The following UNC5C variants were observed in gnomAD, a reference collection of about 807,000 sequenced individuals.
The protein encoded by UNC5C is netrin receptor UNC5C.
Under a neutral mutation model 99.8 loss-of-function variants are expected in UNC5C, and 47 were observed. That is an observed-to-expected ratio of 0.47 (90% CI 0.37 to 0.60). The LOEUF (loss-of-function observed/expected upper bound fraction) is 0.60. Among genes scored for constraint, UNC5C ranks in the 20% least tolerant of loss-of-function variants. The pLI is 0.00. For missense variants in UNC5C, 1,062 were observed against 1,165.9 expected (o/e 0.91, Z 1.30); for synonymous variants, 487 against 452.2 (o/e 1.08, Z -0.98).
chr4:95,498,904 T>C (rs1254993954), intron 1 of UNC5C, among the ~76,000 whole-genome samples: 1 of 152,098 alleles, frequency 6.6e-6, no homozygotes, highest in Non-Finnish European at 1.5e-5. Context: ...ATCTACTGTC[T>C]TATTAAAATA....
At chr4:95,376,055 A>AAAAC (rs550544675) in intron 1 of UNC5C, among the ~76,000 whole-genome samples, 78 of 152,202 alleles carry the variant, frequency 5.1e-4, no homozygotes, top group East Asian at 3.9e-3. Context: ...TCCGTCTCAA[A>AAAAC]AAACAAACAA....
At chr4:95,492,347 G>A (rs1307238724) in intron 1 of UNC5C, among the ~76,000 whole-genome samples, 1 of 151,126 alleles carries the variant, frequency 6.6e-6, no homozygotes, top group Non-Finnish European at 1.5e-5. Flanking sequence ...AATGTGCTTA[G>A]CGTTTTGTCG....
At position 95,177,531 on chromosome 4, in the gene UNC5C, CT is replaced by C. The variant is rs534997011; in HGVS notation, c.2451+5365del. ...GTTGATTAGCAGTATGTTCCACATT[CT>C]GCGATCAGCAGCAAGTGCTCACTTC... On this transcript the variant is annotated intron_variant, in intron 14 of 15. Coordinates refer to ENST00000453304, the MANE Select transcript of UNC5C (RefSeq NM_003728.4). Among the ~76,000 whole-genome samples the C allele has an allele frequency of 3.2e-4, 48 of 152,336 alleles. No homozygotes were observed. In the South Asian group the frequency reaches 3.5e-3, roughly 11 times the overall value.
chr4:95,475,765 T>C (rs1445003270), intron 1 of UNC5C, among the ~76,000 whole-genome samples: 1 of 152,092 alleles, frequency 6.6e-6, no homozygotes, highest in African/African-American at 2.4e-5. Context: ...GCTTTTCCTA[T>C]CTTTTAGCAA....
intron 1 of UNC5C, among the ~76,000 whole-genome samples, chr4:95,507,577 C>A (rs1422377293): frequency 6.6e-6 from 1 of 152,018 alleles, no homozygotes; most frequent in Non-Finnish European, 1.5e-5. Flanking sequence ...TCCCAAGACC[C>A]ATTCTCTAGC....
intron 3 of UNC5C, among the ~76,000 whole-genome samples, chr4:95,287,797 T>C (rs1741290003): frequency 3.9e-5 from 6 of 152,234 alleles, no homozygotes; most frequent in Admixed American, 3.9e-4. Flanking sequence ...TCCGATATCA[T>C]GTCACTGCTT....
At position 95,250,575 on chromosome 4, in the gene UNC5C, G is replaced by C; in HGVS notation, c.687C>G (p.Ala229=). 1.9e-6 allele frequency: 3 copies of C among 1,613,898 alleles called. No individual in the cohort carries two copies. The highest frequency in any genetic ancestry group is 2.5e-6 in the Non-Finnish European group (3 of 1,179,960). The part of the protein sequence containing the change: ...TIDHNLIIKQ[A]RLSDTANYTC... ...TGTAATTTGCAGTATCAGAGAGTCG[G>C]GCCTGCTTTATGATGAGGTTGTGAT... The change falls in exon 5 of 16, where the codon GCC becomes GCG. Residue 229 remains alanine, a synonymous_variant. Coordinates refer to ENST00000453304, the MANE Select transcript of UNC5C (RefSeq NM_003728.4).
At chr4:95,371,477 C>G (rs17023644) in intron 1 of UNC5C, among the ~76,000 whole-genome samples, 31,464 of 149,186 alleles carry the variant, frequency 0.21, 4,112 homozygotes, top group African/African-American at 0.36. Context: ...AAGATGAAAA[C>G]TGATAGGAAG....
At chr4:95,343,421 C>T (rs1743652433) in intron 1 of UNC5C, among the ~76,000 whole-genome samples, 1 of 152,056 alleles carries the variant, frequency 6.6e-6, no homozygotes, top group African/African-American at 2.4e-5. Context: ...ACCACAAGAC[C>T]TCTATGAGTC....
intron 10 of UNC5C, 99 bp from the exon 11 acceptor site, chr4:95,206,895 T>C (rs1579231269): frequency 8.0e-6 from 7 of 869,750 alleles, no homozygotes; most frequent in Admixed American, 4.2e-5. Context: ...AGTTTTCTCC[T>C]GGAATTCTTT....
At chr4:95,169,836 T>G (rs1388256202) in intron 15 of UNC5C, among the ~76,000 whole-genome samples, 1 of 152,166 alleles carries the variant, frequency 6.6e-6, no homozygotes, top group African/African-American at 2.4e-5. Context: ...CATTAGGTCC[T>G]GCTCAACTGC....
Position 95,536,082 on chromosome 4 carries a change from ATTT to A in UNC5C, c.124+12649_124+12651del, listed in dbSNP as rs940269233. On this transcript the variant is annotated intron_variant, in intron 1 of 15. Coordinates refer to ENST00000453304, the MANE Select transcript of UNC5C (RefSeq NM_003728.4). ...CATACATATATATATATATATATAT[ATTT>A]TTTTTTTTTGAGATGGAGTCTCGCT... is the stretch of plus-strand genomic sequence containing the variant. Among the ~76,000 whole-genome samples, 74 of 78,454 alleles carry A rather than the reference ATTT, an allele frequency of 9.4e-4. 2 individuals are homozygous for A. The highest frequency in any genetic ancestry group is 4.3e-3 in the South Asian group (12 of 2,800). 51.5% of individuals were successfully genotyped at this position (78,454 alleles called of 152,430 possible).
chr4:95,173,790 T>A (rs1162004570), intron 14 of UNC5C, among the ~76,000 whole-genome samples: 1 of 152,224 alleles, frequency 6.6e-6, no homozygotes, highest in Non-Finnish European at 1.5e-5. Flanking sequence ...CTTTTTCTAT[T>A]GATTGGAATA....
At chr4:95,295,187 C>T (rs1195746647) in intron 3 of UNC5C, among the ~76,000 whole-genome samples, 5 of 152,190 alleles carry the variant, frequency 3.3e-5, no homozygotes, top group Non-Finnish European at 5.9e-5. Flanking sequence ...GGGATTCACT[C>T]ATCAGCCTGT....
chr4:95,471,550 A>C (rs564755207), intron 1 of UNC5C, among the ~76,000 whole-genome samples: 1 of 152,238 alleles, frequency 6.6e-6, no homozygotes, highest in African/African-American at 2.4e-5. Context: ...GCAGTTTACC[A>C]CACCCTGACC....
intron 3 of UNC5C, 85 bp downstream of exon 3, chr4:95,301,521 T>C: frequency 6.4e-7 from 1 of 1,564,212 alleles, no homozygotes; most frequent in Admixed American, 1.8e-5. Flanking sequence ...CCAGTTTTCT[T>C]TGGTGCTGGA....
At chr4:95,452,122 ATT>A (rs1384360519) in intron 1 of UNC5C, among the ~76,000 whole-genome samples, 1 of 152,158 alleles carries the variant, frequency 6.6e-6, no homozygotes, top group Non-Finnish European at 1.5e-5. Flanking sequence ...ATGCTGATAC[ATT>A]TTGCTTCCAT....
intron 12 of UNC5C, among the ~76,000 whole-genome samples, chr4:95,199,311 A>T (rs1737559117): frequency 6.6e-6 from 1 of 152,028 alleles, no homozygotes; most frequent in African/African-American, 2.4e-5. Context: ...GGTGTGAGGA[A>T]GAGATGGCGT....
chr4:95,270,196 C>T (rs184807203), intron 4 of UNC5C, among the ~76,000 whole-genome samples: 43 of 152,282 alleles, frequency 2.8e-4, no homozygotes, highest in Admixed American at 5.2e-4. Flanking sequence ...AAGTTCTCTA[C>T]TGTGGATAAT....
Sources: allele counts gnomAD v4.1 joint callset (sites outside exome capture counted in the v4.1 genomes callset), GRCh38; gene constraint gnomAD v4.1.1; transcripts MANE v1.5; gene names NCBI Gene and HGNC (gene_info 2026-07-23, HGNC 2026-07-21).